ARHGAP6: variants seen among roughly 807,000 people sequenced by gnomAD.
ARHGAP6 encodes rho GTPase-activating protein 6.
A neutral mutation model predicts 55.7 loss-of-function variants in ARHGAP6; 16 were observed. That is an observed-to-expected ratio of 0.29 (90% CI 0.19 to 0.44). The LOEUF (loss-of-function observed/expected upper bound fraction) is 0.44, where lower values mean the gene tolerates loss of function less well. ARHGAP6 is among the 20% of genes least tolerant of loss of function. The pLI, the probability that ARHGAP6 is intolerant of heterozygous loss-of-function variation, is 1.00. For missense variants in ARHGAP6, 698 were observed against 808.9 expected, an observed-to-expected ratio of 0.86 and a Z score of 1.66; for synonymous variants, 382 against 360.9, an observed-to-expected ratio of 1.06 and a Z score of -0.66.
chrX:11,323,364 T>C (rs996028212), intron 1 of ARHGAP6, among the ~76,000 whole-genome samples: 3 of 112,242 alleles, frequency 2.7e-5, no homozygotes, highest in African/African-American at 9.7e-5. Flanking sequence ...AAGATCTAGT[T>C]TGAGGCACTA....
At chrX:11,472,867 T>A (rs2050361776) in intron 1 of ARHGAP6, among the ~76,000 whole-genome samples, 1 of 110,428 alleles carries the variant, frequency 9.1e-6, no homozygotes, top group Admixed American at 9.6e-5. Flanking sequence ...ATGGGTCCCA[T>A]TGTCTATATT....
chrX:11,181,995 G>T (rs1602798799), intron 6 of ARHGAP6, 68 bp downstream of exon 6: 35 of 843,166 alleles, frequency 4.2e-5, no homozygotes, highest in Non-Finnish European at 5.5e-5. Flanking sequence ...GCATAAACTT[G>T]AACTTTGCAA....
intron 1 of ARHGAP6, among the ~76,000 whole-genome samples, chrX:11,264,186 T>G (rs991234048): frequency 8.2e-5 from 9 of 110,103 alleles, no homozygotes; most frequent in African/African-American, 3.0e-4. Context: ...CCTCCTCTCC[T>G]AAGATTTTGT....
At chrX:11,481,195 G>T (rs1450056809) in intron 1 of ARHGAP6, among the ~76,000 whole-genome samples, 2 of 110,776 alleles carry the variant, frequency 1.8e-5, no homozygotes, top group African/African-American at 6.6e-5. Flanking sequence ...TTCAGAATAG[G>T]GGCTACTGTG....
chrX:11,489,021 A>G (rs1266758456), intron 1 of ARHGAP6, among the ~76,000 whole-genome samples: 1 of 112,284 alleles, frequency 8.9e-6, no homozygotes, highest in Non-Finnish European at 1.9e-5. Flanking sequence ...TCTAGGTCTT[A>G]TGTAGAGTAA....
intron 4 of ARHGAP6, among the ~76,000 whole-genome samples, chrX:11,187,612 C>A (rs1047093945): frequency 1.8e-5 from 2 of 111,924 alleles, no homozygotes; most frequent in South Asian, 7.5e-4. Flanking sequence ...TCAGGTCCCC[C>A]TCTACCTTGG....
intron 1 of ARHGAP6, among the ~76,000 whole-genome samples, chrX:11,577,326 AT>A (rs1294279407): frequency 8.9e-6 from 1 of 112,257 alleles, no homozygotes; most frequent in Non-Finnish European, 1.9e-5. Context: ...CAATACAGTT[AT>A]CATCGAAGGA....
intron 1 of ARHGAP6, among the ~76,000 whole-genome samples, chrX:11,607,527 G>A (rs2052049439): frequency 8.9e-6 from 1 of 112,262 alleles, no homozygotes; most frequent in African/African-American, 3.2e-5. Context: ...TCAGAGATGG[G>A]TTAGATGATG....
intron 1 of ARHGAP6, among the ~76,000 whole-genome samples, chrX:11,528,280 C>T (rs186861012): frequency 8.9e-6 from 1 of 111,986 alleles, no homozygotes; most frequent in Admixed American, 9.5e-5. Context: ...TTTATTCTAC[C>T]AATAGACAAT....
chrX:11,195,081 C>T (rs948513394), intron 3 of ARHGAP6, among the ~76,000 whole-genome samples: 1 of 111,835 alleles, frequency 8.9e-6, no homozygotes, highest in African/African-American at 3.2e-5. Context: ...GCAAAAAGTG[C>T]GGTGGCTCAT....
chrX:11,325,731 T>C (rs1001990763), intron 1 of ARHGAP6, among the ~76,000 whole-genome samples: 1 of 112,582 alleles, frequency 8.9e-6, no homozygotes, highest in African/African-American at 3.2e-5. Context: ...TTTTTAAAAG[T>C]AGTTATGCTA....
chrX:11,324,240 T>C (rs2048471512), intron 1 of ARHGAP6, among the ~76,000 whole-genome samples: 1 of 111,918 alleles, frequency 8.9e-6, no homozygotes, highest in Non-Finnish European at 1.9e-5. Context: ...GCTTTCCCAG[T>C]ACCATCCTGA....
At chrX:11,451,494 T>C (rs1233141370) in intron 1 of ARHGAP6, among the ~76,000 whole-genome samples, 2 of 112,338 alleles carry the variant, frequency 1.8e-5, no homozygotes, top group African/African-American at 6.5e-5. Flanking sequence ...CAACTGATGA[T>C]AAATATTCAA....
intron 1 of ARHGAP6, among the ~76,000 whole-genome samples, chrX:11,323,096 G>A (rs1408843940): frequency 8.9e-6 from 1 of 111,930 alleles, no homozygotes; most frequent in Non-Finnish European, 1.9e-5. Flanking sequence ...GGAATGAGCT[G>A]GAAAAACTTC....
At chrX:11,388,605 T>C (rs1431666479) in intron 1 of ARHGAP6, among the ~76,000 whole-genome samples, 2 of 111,703 alleles carry the variant, frequency 1.8e-5, no homozygotes, top group African/African-American at 6.5e-5. Flanking sequence ...TTGCTTTTGG[T>C]GTTTTAGACA....
intron 1 of ARHGAP6, among the ~76,000 whole-genome samples, chrX:11,396,790 C>T (rs887653190): frequency 3.6e-5 from 4 of 111,498 alleles, no homozygotes; most frequent in Non-Finnish European, 7.5e-5. Context: ...AATCTCAGAA[C>T]CTATATGGAC....
intron 1 of ARHGAP6, among the ~76,000 whole-genome samples, chrX:11,576,925 T>C (rs1160691415): frequency 9.0e-6 from 1 of 111,449 alleles, no homozygotes; most frequent in Non-Finnish European, 1.9e-5. Context: ...CCACTTGCAA[T>C]TCTGGGCTTG....
At chrX:11,588,425 C>T (rs926567414) in intron 1 of ARHGAP6, among the ~76,000 whole-genome samples, 1 of 111,509 alleles carries the variant, frequency 9.0e-6, no homozygotes, top group Non-Finnish European at 1.9e-5. Context: ...AGGTATATAC[C>T]CAAGATAACT....
At chrX:11,303,296 C>T (rs144179089) in intron 1 of ARHGAP6, among the ~76,000 whole-genome samples, 61 of 112,228 alleles carry the variant, frequency 5.4e-4, no homozygotes, top group African/African-American at 1.5e-3. Context: ...GGCCATAGGC[C>T]GACATTTAGA....
Sources: allele counts gnomAD v4.1 joint callset (sites outside exome capture counted in the v4.1 genomes callset), GRCh38; gene constraint gnomAD v4.1.1; transcripts MANE v1.5; gene names NCBI Gene and HGNC (gene_info 2026-07-23, HGNC 2026-07-21).